The following CNTN4 variants were observed in gnomAD, a reference collection of about 807,000 sequenced individuals.
The protein encoded by CNTN4 is contactin-4.
In CNTN4, 77 loss-of-function variants were observed where a neutral mutation model predicts 122.5. The ratio of observed to expected loss-of-function variants is 0.63; its 90% CI spans 0.52 to 0.76. The LOEUF is 0.76. CNTN4 is among the 30% of genes least tolerant of loss of function. The pLI, the probability that CNTN4 is intolerant of heterozygous loss-of-function variation, is 0.00. For synonymous variants in CNTN4, 512 were observed against 447.0 expected (o/e 1.15, Z -1.83); for missense variants, 1,256 against 1,259.1 (o/e 1.00, Z 0.04).
intron 4 of CNTN4, among the ~76,000 whole-genome samples, chr3:2,580,740 A>C (rs760690551): frequency 6.6e-6 from 1 of 152,176 alleles, no homozygotes; most frequent in Non-Finnish European, 1.5e-5. Context: ...CAATAATAAT[A>C]GTAAGAGTAA....
chr3:2,541,311 TA>T (rs2078022738), intron 3 of CNTN4, among the ~76,000 whole-genome samples: 2 of 152,080 alleles, frequency 1.3e-5, no homozygotes, highest in Admixed American at 6.6e-5. Context: ...GGTGAGGCTA[TA>T]AAAAATAGAC....
At chr3:2,383,396 C>G (rs1460867081) in intron 3 of CNTN4, among the ~76,000 whole-genome samples, 1 of 152,072 alleles carries the variant, frequency 6.6e-6, no homozygotes, top group South Asian at 2.1e-4. Context: ...TTCCTTTATA[C>G]TTTCTATGCA....
At chr3:2,353,772 G>C (rs953743815) in intron 3 of CNTN4, among the ~76,000 whole-genome samples, 1 of 152,130 alleles carries the variant, frequency 6.6e-6, no homozygotes, top group East Asian at 1.9e-4. Flanking sequence ...GGTGGCGGGC[G>C]CCTGTGGTCC....
chr3:2,118,468 T>G (rs763975952), intron 2 of CNTN4, among the ~76,000 whole-genome samples: 7 of 152,202 alleles, frequency 4.6e-5, no homozygotes, highest in African/African-American at 7.2e-5. Context: ...TTCCAAATGT[T>G]AAGAACCATT....
chr3:2,599,783 A>G (rs1175736147), intron 4 of CNTN4, among the ~76,000 whole-genome samples: 2 of 152,134 alleles, frequency 1.3e-5, no homozygotes, highest in African/African-American at 2.4e-5. Context: ...ATTTTTGTCA[A>G]TTCTCTAGCA....
At chr3:2,789,701 G>A (rs973562559) in intron 6 of CNTN4, among the ~76,000 whole-genome samples, 2 of 152,216 alleles carry the variant, frequency 1.3e-5, no homozygotes, top group Non-Finnish European at 2.9e-5. Flanking sequence ...AAAGTGCTAT[G>A]ATGGCAGGCG....
intron 3 of CNTN4, among the ~76,000 whole-genome samples, chr3:2,562,478 A>G (rs1362486230): frequency 6.6e-6 from 1 of 152,088 alleles, no homozygotes; most frequent in Non-Finnish European, 1.5e-5. Flanking sequence ...GAGATCACCC[A>G]GTATTTGTTT....
chr3:2,713,514 C>G (rs2728042), intron 4 of CNTN4, among the ~76,000 whole-genome samples: 11,442 of 152,236 alleles, frequency 0.075, 1,159 homozygotes, highest in African/African-American at 0.23. Flanking sequence ...CTTAGAGTCT[C>G]TACCTTCATT....
intron 3 of CNTN4, among the ~76,000 whole-genome samples, chr3:2,474,025 A>G (rs1428898147): frequency 4.6e-5 from 7 of 151,922 alleles, no homozygotes; most frequent in Admixed American, 3.9e-4. Flanking sequence ...AAAAAAAAAA[A>G]AAATATTGCC....
intron 3 of CNTN4, among the ~76,000 whole-genome samples, chr3:2,483,127 C>G (rs1186764838): frequency 6.6e-6 from 1 of 152,186 alleles, no homozygotes; most frequent in Non-Finnish European, 1.5e-5. Flanking sequence ...AGGGGTAGAG[C>G]TGCCCAAGGC....
At chr3:2,558,360 C>G (rs963768713) in intron 3 of CNTN4, among the ~76,000 whole-genome samples, 3 of 152,180 alleles carry the variant, frequency 2.0e-5, no homozygotes, top group African/African-American at 7.2e-5. Flanking sequence ...TCTTCTTACT[C>G]TTCTTGAGTC....
At chr3:2,847,018 A>G (rs2093467907) in intron 7 of CNTN4, among the ~76,000 whole-genome samples, 1 of 152,120 alleles carries the variant, frequency 6.6e-6, no homozygotes, top group African/African-American at 2.4e-5. Context: ...ATAAATAAGT[A>G]TTATATAAAT....
At chr3:2,432,214 A>G (rs895186275) in intron 3 of CNTN4, among the ~76,000 whole-genome samples, 1 of 152,220 alleles carries the variant, frequency 6.6e-6, no homozygotes, top group African/African-American at 2.4e-5. Context: ...ATACCCAAAT[A>G]TCACCTGAAC....
intron 14 of CNTN4, among the ~76,000 whole-genome samples, chr3:3,009,285 C>G (rs1696949575): frequency 6.6e-6 from 1 of 152,186 alleles, no homozygotes; most frequent in African/African-American, 2.4e-5. Flanking sequence ...TTTCAATTAT[C>G]ATGGCTTAAA....
chr3:3,046,146 G>A (rs372077957), intron 23 of CNTN4, among the ~76,000 whole-genome samples: 9 of 152,330 alleles, frequency 5.9e-5, no homozygotes, highest in East Asian at 5.8e-4. Flanking sequence ...CCAAATCTAC[G>A]TCTGATTGGT....
intron 6 of CNTN4, among the ~76,000 whole-genome samples, chr3:2,800,936 A>T (rs1255450040): frequency 6.6e-6 from 1 of 152,096 alleles, no homozygotes; most frequent in Non-Finnish European, 1.5e-5. Context: ...CCTGAAACTT[A>T]CCCAGAGTCC....
chr3:2,432,482 C>T (rs1283073462), intron 3 of CNTN4, among the ~76,000 whole-genome samples: 1 of 151,990 alleles, frequency 6.6e-6, no homozygotes, highest in African/African-American at 2.4e-5. Flanking sequence ...CAGTGAAGGT[C>T]TCTGAGGAAG....
Position 2,463,143 on chromosome 3 carries a change from G to A in CNTN4, c.-88-108273G>A, listed in dbSNP as rs572047834. Among the ~76,000 whole-genome samples the A allele has an allele frequency of 4.7e-4, 72 of 152,008 alleles. 1 individual carries two copies. In the South Asian group the frequency reaches 0.013, roughly 27 times the overall value. ...AAAAGTGTCTTGTCCAAATACAAAT[G>A]TGAAAAGGCTGAAGACCAAGATATA... On this transcript the variant is annotated intron_variant, in intron 3 of 24. Coordinates refer to ENST00000418658, the MANE Select transcript of CNTN4 (RefSeq NM_175607.3).
In CNTN4 at chr3:2,237,808, C is replaced by G. The variant is rs57329089; in HGVS notation, c.-144-101370C>G. 2.0e-3 allele frequency among the ~76,000 whole-genome samples: 304 copies of G among 152,194 alleles called. 10 individuals carry two copies. In the East Asian group the frequency reaches 0.047, roughly 23 times the overall value. On this transcript the variant is annotated intron_variant, in intron 2 of 24. Coordinates refer to ENST00000418658, the MANE Select transcript of CNTN4 (RefSeq NM_175607.3). ...ATTTATCCTTTAATTTCAAGTGAGA[C>G]AGTTTGACTTTCATATGAAGATTAA...
Sources: gnomAD v4.1 joint callset for allele counts (sites outside exome capture counted in the v4.1 genomes callset) on GRCh38, gnomAD v4.1.1 for gene constraint, MANE v1.5 for transcripts, NCBI Gene and HGNC (gene_info 2026-07-23, HGNC 2026-07-21) for gene names.